Variants in DCAF6 observed in about 807,000 individuals in gnomAD.
DCAF6 encodes DDB1- and CUL4-associated factor 6.
Under a neutral mutation model 125.1 loss-of-function variants are expected in DCAF6, and 54 were observed. The ratio of observed to expected loss-of-function variants is 0.43; its 90% CI spans 0.35 to 0.54. The LOEUF (loss-of-function observed/expected upper bound fraction) is 0.54. Ranked by LOEUF, DCAF6 falls within the 20% of genes least tolerant of loss-of-function variation. The pLI is 0.01. For synonymous variants in DCAF6, 371 were observed against 390.4 expected, an observed-to-expected ratio of 0.95 and a Z score of 0.58; for missense variants, 934 against 1,161.7, an observed-to-expected ratio of 0.80 and a Z score of 2.85.
At chr1:168,055,034 A>G (rs2101885986) in intron 17 of DCAF6, among the ~76,000 whole-genome samples, 1 of 152,270 alleles carries the variant, frequency 6.6e-6, no homozygotes, top group South Asian at 2.1e-4. Flanking sequence ...ATACTGAAGA[A>G]CAGTGGTATT....
intron 1 of DCAF6, among the ~76,000 whole-genome samples, chr1:167,941,230 G>A (rs1672181685): frequency 6.6e-6 from 1 of 152,010 alleles, no homozygotes; most frequent in Non-Finnish European, 1.5e-5. Flanking sequence ...GAAAAATGAC[G>A]GTCAATTGTG....
intron 17 of DCAF6, chr1:168,055,999 C>A: frequency 1.2e-6 from 2 of 1,606,796 alleles, no homozygotes; most frequent in Non-Finnish European, 8.5e-7. Flanking sequence ...ATCAGCCAAC[C>A]ATCTTCATAA....
In DCAF6 at chr1:167,991,265, A is replaced by T. The variant is rs1238220337; in HGVS notation, c.614A>T (p.Tyr205Phe). The T allele has an allele frequency of 1.2e-6, 2 of 1,613,384 alleles. No individual in the cohort carries two copies. Among genetic ancestry groups the T allele is most frequent in the Non-Finnish European group, 1.7e-6 (2 of 1,179,878 alleles). ...GTTGCTATTTGCCCACCAATACCAT[A>T]TTACCTTGCTGTTGGTTGTTCTGAC... ...TSVAICPPIP[Y>F]YLAVGCSDSS... Residue 205 changes from tyrosine to phenylalanine, a missense_variant, in exon 6 of 22, where the codon TAT becomes TTT. Transcript: ENST00000367840.
intron 3 of DCAF6, among the ~76,000 whole-genome samples, chr1:167,973,886 T>C (rs1430570565): frequency 6.6e-6 from 1 of 152,186 alleles, no homozygotes; most frequent in Admixed American, 6.5e-5. Flanking sequence ...AGCATATCTT[T>C]GGGGTAAATT....
rs907116687 is a variant in DCAF6 at position 168,065,451 on chromosome 1, A to G, written c.2440-139A>G. 5.3e-5 allele frequency: 39 copies of G among 739,218 alleles called. 1 individual carries two copies. The highest frequency in any genetic ancestry group is 3.9e-4 in the Middle Eastern group (1 of 2,574). The allele number at this position is 739,218 out of a possible 1,614,324, so 45.8% of individuals were successfully genotyped here. On this transcript the variant is annotated intron_variant, in intron 18 of 21. Coordinates refer to ENST00000367840, the MANE Select transcript of DCAF6 (RefSeq NM_001198956.2). ...GTGTGAGCCACTGCGCCCAGCATCA[A>G]TTTTTAATTTTACTATTTTCTAAGC... is the stretch of plus-strand genomic sequence containing the variant.
the DCAF6 span, chr1:167,917,900 T>C: frequency 6.5e-6 from 1 of 154,634 alleles, no homozygotes; most frequent in East Asian, 1.9e-4. Flanking sequence ...TTGATAGTCA[T>C]TCCACTACCC....
At chr1:167,956,852 A>G (rs1221706274) in intron 2 of DCAF6, among the ~76,000 whole-genome samples, 1 of 151,972 alleles carries the variant, frequency 6.6e-6, no homozygotes, top group Non-Finnish European at 1.5e-5. Flanking sequence ...GTTATTTCTT[A>G]GTTTTCCAAC....
chr1:168,052,042 C>T (rs1329052896), intron 17 of DCAF6, among the ~76,000 whole-genome samples: 2 of 151,908 alleles, frequency 1.3e-5, no homozygotes, highest in African/African-American at 4.8e-5. Context: ...CCACCAGGCC[C>T]AGTTAATTTT....
At chr1:168,071,621 G>A (rs1693045621) in intron 21 of DCAF6, among the ~76,000 whole-genome samples, 1 of 152,020 alleles carries the variant, frequency 6.6e-6, no homozygotes, top group African/African-American at 2.4e-5. Context: ...GTGACAGATT[G>A]AGACTCTGTC....
At chr1:167,919,469 C>G in the DCAF6 span, among the ~76,000 whole-genome samples, 1 of 152,250 alleles carries the variant, frequency 6.6e-6, no homozygotes, top group East Asian at 1.9e-4. Flanking sequence ...ATATTAACTA[C>G]TGAGTAAATA....
intron 7 of DCAF6, among the ~76,000 whole-genome samples, chr1:167,994,585 A>G (rs1681371525): frequency 6.6e-6 from 1 of 152,202 alleles, no homozygotes; most frequent in African/African-American, 2.4e-5. Flanking sequence ...AAGTAGGTGA[A>G]TGAATTACTT....
chr1:168,036,595 C>T (rs1308913769), intron 12 of DCAF6, among the ~76,000 whole-genome samples: 2 of 152,230 alleles, frequency 1.3e-5, no homozygotes, highest in East Asian at 3.9e-4. Flanking sequence ...ATCTCAGTAA[C>T]ATAACTAAAG....
chr1:167,897,997 C>CAAAAAA, the DCAF6 span, among the ~76,000 whole-genome samples: 1 of 17,390 alleles, frequency 5.8e-5, no homozygotes, highest in African/African-American at 3.1e-4. Context: ...GACTCTGTCT[C>CAAAAAA]AAAAAAAAAA....
At chr1:167,944,658 T>G (rs1672786071) in intron 1 of DCAF6, among the ~76,000 whole-genome samples, 1 of 152,192 alleles carries the variant, frequency 6.6e-6, no homozygotes, top group Non-Finnish European at 1.5e-5. Flanking sequence ...TGTTAGATTT[T>G]TTTGGTTGTT....
At chr1:167,962,929 C>G (rs773345515) in intron 2 of DCAF6, among the ~76,000 whole-genome samples, 3 of 151,800 alleles carry the variant, frequency 2.0e-5, no homozygotes, top group East Asian at 1.9e-4. Context: ...GCACGCCAGC[C>G]TGGCGATGAA....
chr1:168,015,963 C>G lies in DCAF6; in HGVS notation c.1549+12C>G. 6.8e-7 allele frequency: 1 copy of G among 1,468,374 alleles called. No homozygotes were observed. Among genetic ancestry groups the G allele is most frequent in the African/African-American group, 1.4e-5 (1 of 69,494 alleles). The allele number at this position is 1,468,374 out of a possible 1,614,324, so 91.0% of individuals were successfully genotyped here. On this transcript the variant is annotated intron_variant, in intron 11 of 21. Transcript: ENST00000367840. ...CCCTCATGCTTCAGGTTATTAATGTCAAGTGTCCTTAAGCAGCTGATAGAA... is the reference window on the plus strand; with the variant it reads ...CCCTCATGCTTCAGGTTATTAATGTGAAGTGTCCTTAAGCAGCTGATAGAA...
chr1:167,935,784 C>G, upstream of DCAF6: 1 of 1,563,290 alleles, frequency 6.4e-7, no homozygotes, highest in Non-Finnish European at 8.7e-7. Context: ...ATCAGCTCCA[C>G]TTTATCGAGG....
At chr1:167,901,130 A>G in the DCAF6 span, among the ~76,000 whole-genome samples, 1 of 152,204 alleles carries the variant, frequency 6.6e-6, no homozygotes, top group African/African-American at 2.4e-5. Context: ...AATGTCTGCA[A>G]TGTAATAAGG....
chr1:167,978,284 A>G (rs994269013), intron 4 of DCAF6, among the ~76,000 whole-genome samples: 17 of 152,234 alleles, frequency 1.1e-4, no homozygotes, highest in African/African-American at 4.1e-4. Context: ...TATTTTAGAG[A>G]TAAAGCCAAA....
Sources: allele counts gnomAD v4.1 joint callset (sites outside exome capture counted in the v4.1 genomes callset), GRCh38; gene constraint gnomAD v4.1.1; transcripts MANE v1.5; gene names NCBI Gene and HGNC (gene_info 2026-07-23, HGNC 2026-07-21).